Variants in PCDHA7 observed in about 807,000 individuals in gnomAD.
PCDHA7 encodes the protein protocadherin alpha 7, also known as protocadherin alpha-7.
PCDHA7 carries 37 observed loss-of-function variants against 57.2 expected under a neutral mutation model. That is an observed-to-expected ratio of 0.65 (90% CI 0.50 to 0.85). PCDHA7 has a LOEUF of 0.85. PCDHA7 is among the 40% of genes least tolerant of loss of function. PCDHA7 has a pLI of 0.00. For missense variants in PCDHA7, 1,188 were observed against 1,241.8 expected, an observed-to-expected ratio of 0.96 and a Z score of 0.65; for synonymous variants, 553 against 558.8, an observed-to-expected ratio of 0.99 and a Z score of 0.15.
At chr5:140,967,702 C>T (rs1563368615) in intron 1 of PCDHA7, 3 of 1,614,162 alleles carry the variant, frequency 1.9e-6, no homozygotes, top group Middle Eastern at 3.3e-4. Flanking sequence ...GCATAGATGC[C>T]AGTACCGGGG....
chr5:140,884,489 T>G, intron 1 of PCDHA7: 1 of 1,613,936 alleles, frequency 6.2e-7, no homozygotes, highest in East Asian at 2.2e-5. Flanking sequence ...CACTCTAGTG[T>G]GCTCCAGCGC....
rs2080357826 is a variant in PCDHA7 at position 140,921,739 on chromosome 5, G to T, written c.2356-57210G>T. The stretch of plus-strand genomic sequence containing the variant: ...CGAATTACTCCCATAAAAATTATAA[G>T]CATAACAGGACACTTCTTGGCTACT... On this transcript the variant is annotated intron_variant, in intron 1 of 3. Transcript: ENST00000525929. Among the ~76,000 whole-genome samples, 7 of 152,134 alleles carry T rather than the reference G, an allele frequency of 4.6e-5. No individual in the cohort carries two copies. In the South Asian group the frequency reaches 1.5e-3, roughly 32 times the overall value.
Position 140,912,662 on chromosome 5 carries a change from T to C in PCDHA7, c.2356-66287T>C, listed in dbSNP as rs145118694. 1.9e-3 allele frequency among the ~76,000 whole-genome samples: 286 copies of C among 152,264 alleles called. 1 individual carries two copies. The highest frequency in any genetic ancestry group is 6.7e-3 in the African/African-American group (280 of 41,548). Reference sequence around the variant, plus strand: ...CTATGTTGAATAGAAGTGGTGAAAATGGGCATCCTTGACTTATTCCAGGTC... The same window carrying C: ...CTATGTTGAATAGAAGTGGTGAAAACGGGCATCCTTGACTTATTCCAGGTC... On this transcript the variant is annotated intron_variant, in intron 1 of 3. Coordinates refer to ENST00000525929, the MANE Select transcript of PCDHA7 (RefSeq NM_018910.3).
At chr5:140,842,322 G>A in intron 1 of PCDHA7, 1 of 1,607,612 alleles carries the variant, frequency 6.2e-7, no homozygotes, top group Non-Finnish European at 8.5e-7. Flanking sequence ...GCGGGTCATT[G>A]CACCGTTTTA....
At chr5:140,971,977 G>A (rs891260348) in intron 1 of PCDHA7, among the ~76,000 whole-genome samples, 1 of 152,022 alleles carries the variant, frequency 6.6e-6, no homozygotes, top group Non-Finnish European at 1.5e-5. Context: ...AATACTATGA[G>A]TAGACAGAAG....
intron 1 of PCDHA7, chr5:140,850,732 G>A (rs1320738084): frequency 6.3e-7 from 1 of 1,597,840 alleles, no homozygotes; most frequent in Non-Finnish European, 8.6e-7. Context: ...AGCGCGGTGG[G>A]GAGTTGGTCG....
At chr5:140,870,956 G>A (rs1554164932) in intron 1 of PCDHA7, 1 of 1,613,634 alleles carries the variant, frequency 6.2e-7, no homozygotes, top group Non-Finnish European at 8.5e-7. Context: ...GGCGGCTCGC[G>A]CATCCCGTTC....
intron 1 of PCDHA7, chr5:140,871,241 C>T (rs782602807): frequency 2.5e-6 from 4 of 1,613,972 alleles, no homozygotes; most frequent in Admixed American, 1.7e-5. Flanking sequence ...CTGGTACTCA[C>T]GCTGCTGCTG....
intron 1 of PCDHA7, among the ~76,000 whole-genome samples, chr5:140,903,753 A>ACTTGATGACCCATAGTCAAATGTTCAG (rs2070561730): frequency 2.0e-5 from 3 of 152,186 alleles, no homozygotes; most frequent in Non-Finnish European, 4.4e-5. Flanking sequence ...GTTTCCCTTG[A>ACTTGATGACCCATAGTCAAATGTTCAG]TTTTTGCTGA....
chr5:140,888,067 T>G (rs1392142536), intron 1 of PCDHA7, among the ~76,000 whole-genome samples: 1 of 152,224 alleles, frequency 6.6e-6, no homozygotes, highest in Admixed American at 6.5e-5. Context: ...CTTTCTTGTC[T>G]GCTAATTTCA....
At chr5:140,872,049 T>A (rs2053460307) in intron 1 of PCDHA7, among the ~76,000 whole-genome samples, 1 of 152,248 alleles carries the variant, frequency 6.6e-6, no homozygotes, top group African/African-American at 2.4e-5. Context: ...ATTCTCCCAC[T>A]TCAGCCTCCA....
intron 1 of PCDHA7, chr5:140,853,845 T>C (rs2150303295): frequency 1.0e-6 from 1 of 986,388 alleles, no homozygotes. Context: ...TTTAGATCCA[T>C]AGCCCTATTT....
At chr5:140,953,903 C>T (rs755692840) in intron 1 of PCDHA7, among the ~76,000 whole-genome samples, 1 of 152,120 alleles carries the variant, frequency 6.6e-6, no homozygotes, top group Non-Finnish European at 1.5e-5. Context: ...TTAAGCCCAG[C>T]ATCCATTAGG....
intron 1 of PCDHA7, among the ~76,000 whole-genome samples, chr5:140,965,212 T>G (rs1360102713): frequency 6.6e-6 from 1 of 152,180 alleles, no homozygotes; most frequent in African/African-American, 2.4e-5. Context: ...CAAATTCCTG[T>G]GGAAGAAATG....
chr5:140,854,118 C>T lies in PCDHA7; in HGVS notation c.2355+17380C>T, dbSNP rs541457983. The T allele has an allele frequency of 1.9e-3, 584 of 313,350 alleles. 14 individuals carry two copies. The highest frequency in any genetic ancestry group is 2.3e-3 in the Non-Finnish European group (544 of 232,056). 19.4% of individuals were successfully genotyped at this position (313,350 alleles called of 1,614,324 possible). A position where few individuals can be genotyped will look rare whatever the true frequency, so the allele number is the denominator to read the frequency against. ...TTGAGGCTGCAGTGAACTGTGATGG[C>T]ACAACTGCATTTCAGCCCGGGTGAC... On this transcript the variant is annotated intron_variant, in intron 1 of 3. Transcript: ENST00000525929.
At chr5:140,967,301 G>T in intron 1 of PCDHA7, 2 of 1,612,148 alleles carry the variant, frequency 1.2e-6, no homozygotes, top group Middle Eastern at 1.7e-4. Flanking sequence ...CGACGTGGGC[G>T]CCAACTCAGT....
chr5:140,909,690 G>T (rs2074638063), intron 1 of PCDHA7, among the ~76,000 whole-genome samples: 1 of 152,280 alleles, frequency 6.6e-6, no homozygotes, highest in African/African-American at 2.4e-5. Context: ...CAATGTGGGG[G>T]TTCTGCTAGC....
At chr5:140,850,185 G>T (rs1554143929) in intron 1 of PCDHA7, 3 of 1,593,776 alleles carry the variant, frequency 1.9e-6, no homozygotes, top group Non-Finnish European at 2.6e-6. Flanking sequence ...CAATGCGCCG[G>T]CGCTGCTGAC....
At chr5:140,969,661 G>A (rs2096351521) in intron 1 of PCDHA7, among the ~76,000 whole-genome samples, 2 of 152,166 alleles carry the variant, frequency 1.3e-5, no homozygotes, top group Non-Finnish European at 2.9e-5. Context: ...GTTTTAGGGA[G>A]TAATGTTATG....
Sources: allele counts gnomAD v4.1 joint callset (sites outside exome capture counted in the v4.1 genomes callset), GRCh38; gene constraint gnomAD v4.1.1; transcripts MANE v1.5; gene names NCBI Gene and HGNC (gene_info 2026-07-23, HGNC 2026-07-21).